MMP26: variants seen among roughly 807,000 people sequenced by gnomAD.
MMP26 encodes the protein matrix metalloproteinase-26.
MMP26 carries 33 observed loss-of-function variants against 31.0 expected under a neutral mutation model. The observed-to-expected ratio is 1.06, with a 90% CI of 0.81 to 1.42. The LOEUF is 1.42. MMP26 is among the 40% of genes most tolerant of loss of function. MMP26 has a pLI of 0.00. For missense variants in MMP26, 347 were observed against 316.1 expected (o/e 1.10, Z -0.74); for synonymous variants, 122 against 114.9 (o/e 1.06, Z -0.40).
chr11:4,711,207 C>T (rs1334698763), intron 1 of MMP26: 2 of 152,040 alleles, frequency 1.3e-5, no homozygotes, highest in Non-Finnish European at 2.9e-5. Context: ...AGGGTACTGA[C>T]CTAATAAAAC....
At chr11:4,865,856 C>T (rs531426980) in intron 2 of MMP26, among the ~76,000 whole-genome samples, 1 of 152,208 alleles carries the variant, frequency 6.6e-6, no homozygotes, top group East Asian at 1.9e-4. Flanking sequence ...GTCATCAGGA[C>T]ATTTTACAGG....
intron 2 of MMP26, chr11:4,848,393 C>A: frequency 6.2e-7 from 1 of 1,613,942 alleles, no homozygotes; most frequent in Non-Finnish European, 8.5e-7. Flanking sequence ...TGATTGGCAG[C>A]TCAGGATGGT....
chr11:4,717,803 G>T (rs1847955214), intron 1 of MMP26, among the ~76,000 whole-genome samples: 1 of 152,152 alleles, frequency 6.6e-6, no homozygotes, highest in African/African-American at 2.4e-5. Flanking sequence ...AACTCATCAT[G>T]TGGTAACCCA....
intron 2 of MMP26, among the ~76,000 whole-genome samples, chr11:4,781,401 G>C (rs11033849): frequency 1.3e-5 from 1 of 78,692 alleles, no homozygotes; most frequent in East Asian, 2.0e-4. Context: ...CAAAAAATTA[G>C]CCGGGCGCGG....
At chr11:4,813,309 T>C (rs956282368) in intron 2 of MMP26, among the ~76,000 whole-genome samples, 4 of 152,232 alleles carry the variant, frequency 2.6e-5, no homozygotes, top group African/African-American at 4.8e-5. Flanking sequence ...CAATACATTA[T>C]TGAAAAATTG....
intron 2 of MMP26, among the ~76,000 whole-genome samples, chr11:4,770,793 A>G (rs11033806): frequency 0.19 from 28,217 of 152,038 alleles, 3,993 homozygotes; most frequent in African/African-American, 0.4. Flanking sequence ...CAGTGAGCCA[A>G]GATTGCACCA....
At chr11:4,707,400 T>C (rs1847794454) in intron 1 of MMP26, among the ~76,000 whole-genome samples, 2 of 152,206 alleles carry the variant, frequency 1.3e-5, no homozygotes, top group South Asian at 2.1e-4. Context: ...TACTGAGTTG[T>C]AGGAGTTCTT....
intron 2 of MMP26, among the ~76,000 whole-genome samples, chr11:4,885,348 T>A (rs2133542924): frequency 6.6e-6 from 1 of 152,282 alleles, no homozygotes; most frequent in African/African-American, 2.4e-5. Context: ...ACAATGACCT[T>A]TCAGTCAACA....
At chr11:4,960,467 C>T (rs913311718) in intron 2 of MMP26, among the ~76,000 whole-genome samples, 2 of 151,504 alleles carry the variant, frequency 1.3e-5, no homozygotes, top group African/African-American at 2.4e-5. Context: ...AACATCCAGC[C>T]TCTGTAACAT....
intron 2 of MMP26, among the ~76,000 whole-genome samples, chr11:4,967,259 T>C: frequency 6.6e-6 from 1 of 152,294 alleles, no homozygotes; most frequent in Non-Finnish European, 1.5e-5. Context: ...ACAAAATTAC[T>C]CTTTATATTC....
At chr11:4,823,179 G>A (rs1224694469) in intron 2 of MMP26, among the ~76,000 whole-genome samples, 18 of 151,264 alleles carry the variant, frequency 1.2e-4, no homozygotes. Context: ...ATAGCTGGTT[G>A]TTGAGTCCCT....
At chr11:4,933,553 T>C (rs1193897364) in intron 2 of MMP26, among the ~76,000 whole-genome samples, 4 of 16,832 alleles carry the variant, frequency 2.4e-4, no homozygotes, top group African/African-American at 5.3e-4. Flanking sequence ...GTTTTTGTTT[T>C]TTGTTTGTTT....
At chr11:4,907,872 A>G in intron 2 of MMP26, 3 of 1,613,964 alleles carry the variant, frequency 1.9e-6, no homozygotes, top group African/African-American at 1.3e-5. Flanking sequence ...AGATTAAAAT[A>G]TTGTCAAAAG....
chr11:4,736,037 C>G (rs1848235586), intron 1 of MMP26: 1 of 152,000 alleles, frequency 6.6e-6, no homozygotes, highest in Non-Finnish European at 1.5e-5. Flanking sequence ...ACTGCATCCC[C>G]TATGCAACCT....
At chr11:4,813,877 C>T (rs183828172) in intron 2 of MMP26, among the ~76,000 whole-genome samples, 41 of 152,008 alleles carry the variant, frequency 2.7e-4, no homozygotes, top group African/African-American at 9.9e-4. Context: ...AAAGTCAAGT[C>T]ACAGAGAAAA....
At chr11:4,746,375 T>C (rs963113105) in intron 1 of MMP26, among the ~76,000 whole-genome samples, 16 of 152,216 alleles carry the variant, frequency 1.1e-4, no homozygotes, top group African/African-American at 3.6e-4. Flanking sequence ...GGTAAATCTA[T>C]ATAGTAAATA....
intron 2 of MMP26, among the ~76,000 whole-genome samples, chr11:4,941,691 G>A (rs1190223940): frequency 6.6e-6 from 1 of 152,080 alleles, no homozygotes; most frequent in Non-Finnish European, 1.5e-5. Flanking sequence ...TTAGATGGAA[G>A]CAAATCTGTC....
intron 2 of MMP26, chr11:4,914,955 C>A (rs1284893013): frequency 1.2e-6 from 2 of 1,613,966 alleles, no homozygotes; most frequent in Non-Finnish European, 1.7e-6. Context: ...AATCTCTCAG[C>A]CCTGGAGGCG....
chr11:4,803,829 G>GT, intron 2 of MMP26: 1 of 1,613,048 alleles, frequency 6.2e-7, no homozygotes, highest in Non-Finnish European at 8.5e-7. Context: ...GCACAGCCAT[G>GT]TGCTCACAGT....
Sources: gnomAD v4.1 joint callset for allele counts (sites outside exome capture counted in the v4.1 genomes callset) on GRCh38, gnomAD v4.1.1 for gene constraint, MANE v1.5 for transcripts, NCBI Gene and HGNC (gene_info 2026-07-23, HGNC 2026-07-21) for gene names.